Variants in ARHGAP18 observed in about 807,000 individuals in gnomAD.
The protein encoded by ARHGAP18 is Rho GTPase activating protein 18.
ARHGAP18 carries 67 observed loss-of-function variants against 86.2 expected under a neutral mutation model. The observed-to-expected ratio is 0.78, with a 90% CI of 0.64 to 0.95. The LOEUF is 0.95. Ranked by LOEUF, ARHGAP18 falls within the 40% of genes least tolerant of loss-of-function variation. ARHGAP18 has a pLI of 0.00. For missense variants in ARHGAP18, 691 were observed against 780.4 expected (o/e 0.89, Z 1.37); for synonymous variants, 283 against 280.4 (o/e 1.01, Z -0.09).
intron 12 of ARHGAP18, among the ~76,000 whole-genome samples, chr6:129,589,105 C>A (rs1584025175): frequency 1.3e-5 from 2 of 152,166 alleles, no homozygotes; most frequent in East Asian, 1.9e-4. Context: ...TCTGACATGC[C>A]TTGTAGACAT....
chr6:129,591,257 T>C (rs1788506719), intron 12 of ARHGAP18, among the ~76,000 whole-genome samples: 2 of 152,194 alleles, frequency 1.3e-5, no homozygotes, highest in Non-Finnish European at 2.9e-5. Flanking sequence ...AATAACTGAA[T>C]CTGTACACAG....
At chr6:129,693,174 A>G (rs953059762) in intron 1 of ARHGAP18, among the ~76,000 whole-genome samples, 1 of 152,204 alleles carries the variant, frequency 6.6e-6, no homozygotes, top group African/African-American at 2.4e-5. Flanking sequence ...ATTTCAGTGG[A>G]AAGTTCTCAT....
chr6:129,590,393 A>C (rs114046789), intron 12 of ARHGAP18, among the ~76,000 whole-genome samples: 631 of 152,252 alleles, frequency 4.1e-3, no homozygotes, highest in African/African-American at 0.014. Context: ...AAGAGTTTTA[A>C]TAGAGAGTCC....
chr6:129,591,265 C>T (rs1387949806), intron 12 of ARHGAP18, among the ~76,000 whole-genome samples: 1 of 152,144 alleles, frequency 6.6e-6, no homozygotes, highest in Non-Finnish European at 1.5e-5. Context: ...AATCTGTACA[C>T]AGTATGATCT....
rs759831513 is a variant in ARHGAP18 at position 129,583,970 on chromosome 6, C to A, written c.1838+18G>T. On this transcript the variant is annotated intron_variant, in intron 13 of 14. Transcript: ENST00000368149. ...GTGACTTATGCCATGGCATAATTAA[C>A]ACAAAACAGGCCTCTACCTTTCTTG... is the stretch of plus-strand genomic sequence containing the variant. The A allele has an allele frequency of 4.4e-6, 7 of 1,606,656 alleles. No individual in the cohort carries two copies. The highest frequency in any genetic ancestry group is 6.0e-6 in the Non-Finnish European group (7 of 1,175,746).
intron 1 of ARHGAP18, among the ~76,000 whole-genome samples, chr6:129,655,664 C>T (rs1269899096): frequency 6.6e-6 from 1 of 151,994 alleles, no homozygotes; most frequent in Non-Finnish European, 1.5e-5. Flanking sequence ...TGAATGACTT[C>T]AGTTATTTGC....
intron 7 of ARHGAP18, among the ~76,000 whole-genome samples, chr6:129,615,300 G>C (rs980601020): frequency 1.3e-5 from 2 of 152,202 alleles, no homozygotes; most frequent in Admixed American, 1.3e-4. Flanking sequence ...GCTAAAAGAG[G>C]CTGATGGGTG....
intron 5 of ARHGAP18, among the ~76,000 whole-genome samples, chr6:129,620,972 C>A (rs1021181203): frequency 6.6e-6 from 1 of 152,204 alleles, no homozygotes; most frequent in African/African-American, 2.4e-5. Context: ...TCAACTAAAG[C>A]CAGACATTAC....
At chr6:129,629,259 ATATG>A in intron 5 of ARHGAP18, 90 bp downstream of exon 5, 3 of 1,018,902 alleles carry the variant, frequency 2.9e-6, no homozygotes, top group Non-Finnish European at 4.2e-6. Context: ...ATATATATAT[ATATG>A]TGTGTGTGCG....
At chr6:129,602,395 T>C (rs149091326) in intron 10 of ARHGAP18, among the ~76,000 whole-genome samples, 7 of 152,200 alleles carry the variant, frequency 4.6e-5, no homozygotes, top group African/African-American at 1.7e-4. Context: ...AAAGAATCAT[T>C]TTTTCAGAGT....
chr6:129,589,378 T>C (rs187450188), intron 12 of ARHGAP18, among the ~76,000 whole-genome samples: 3 of 152,362 alleles, frequency 2.0e-5, no homozygotes, highest in Admixed American at 6.5e-5. Context: ...CCAGTTTCTT[T>C]GCTAAAGTAT....
chr6:129,683,263 G>A (rs747871552), intron 1 of ARHGAP18, among the ~76,000 whole-genome samples: 1 of 151,212 alleles, frequency 6.6e-6, no homozygotes, highest in South Asian at 2.1e-4. Context: ...AGTAGAGACC[G>A]GGTTTCACCA....
intron 7 of ARHGAP18, among the ~76,000 whole-genome samples, chr6:129,614,738 G>T (rs1487012699): frequency 2.1e-5 from 3 of 145,706 alleles, no homozygotes; most frequent in African/African-American, 7.8e-5. Flanking sequence ...TCTACATGTT[G>T]CAGTGACAGA....
chr6:129,629,120 A>C (rs1019077671), intron 5 of ARHGAP18, among the ~76,000 whole-genome samples: 2 of 152,026 alleles, frequency 1.3e-5, no homozygotes, highest in African/African-American at 4.8e-5. Context: ...GTGATGGCTC[A>C]TCCCTGTAAT....
At chr6:129,598,551 C>T (rs1386029046) in intron 12 of ARHGAP18, among the ~76,000 whole-genome samples, 1 of 152,214 alleles carries the variant, frequency 6.6e-6, no homozygotes, top group African/African-American at 2.4e-5. Flanking sequence ...GCTTTGGTAA[C>T]TTACTTCATA....
chr6:129,625,946 A>G (rs1412081118), intron 5 of ARHGAP18, among the ~76,000 whole-genome samples: 4 of 62,568 alleles, frequency 6.4e-5, no homozygotes, highest in Non-Finnish European at 1.4e-4. Flanking sequence ...TATATTATAT[A>G]TTTATATATT....
chr6:129,655,317 CAAAAAAAAAAAAAAA>C (rs55681217), intron 1 of ARHGAP18, among the ~76,000 whole-genome samples: 2 of 75,076 alleles, frequency 2.7e-5, no homozygotes, highest in Non-Finnish European at 5.3e-5. Flanking sequence ...AAAACTCTCT[CAAAAAAAAAAAAAAA>C]AAAAAAAAAG....
At chr6:129,672,627 A>G (rs1256952120) in intron 1 of ARHGAP18, among the ~76,000 whole-genome samples, 2 of 152,196 alleles carry the variant, frequency 1.3e-5, no homozygotes, top group Non-Finnish European at 2.9e-5. Context: ...TTTTTTTCCA[A>G]TGGCTGTCCC....
At chr6:129,645,669 AG>A (rs773002493) in intron 1 of ARHGAP18, among the ~76,000 whole-genome samples, 3 of 152,198 alleles carry the variant, frequency 2.0e-5, no homozygotes, top group East Asian at 3.8e-4. Context: ...TGTCCTCTAA[AG>A]GAAGTTGCCA....
Sources: gnomAD v4.1 joint callset for allele counts (sites outside exome capture counted in the v4.1 genomes callset) on GRCh38, gnomAD v4.1.1 for gene constraint, MANE v1.5 for transcripts, NCBI Gene and HGNC (gene_info 2026-07-23, HGNC 2026-07-21) for gene names.